The following ZFAND6 variants were observed in gnomAD, a reference collection of about 807,000 sequenced individuals.
ZFAND6 encodes AN1-type zinc finger protein 6.
ZFAND6 carries 12 observed loss-of-function variants against 24.5 expected under a neutral mutation model. The ratio of observed to expected loss-of-function variants is 0.49; its 90% CI spans 0.31 to 0.79. The LOEUF (loss-of-function observed/expected upper bound fraction) is 0.79. Ranked by LOEUF, ZFAND6 falls within the 30% of genes least tolerant of loss-of-function variation. The pLI is 0.04. For synonymous variants in ZFAND6, 92 were observed against 81.5 expected (o/e 1.13, Z -0.69); for missense variants, 207 against 245.9 (o/e 0.84, Z 1.06).
At chr15:80,116,639 T>C (rs539498737) in intron 2 of ZFAND6, among the ~76,000 whole-genome samples, 7 of 152,208 alleles carry the variant, frequency 4.6e-5, no homozygotes, top group Non-Finnish European at 8.8e-5. Context: ...TAGAGGTTCT[T>C]TGATATTACA....
chr15:80,132,583 A>C (rs2040655427), intron 6 of ZFAND6, among the ~76,000 whole-genome samples: 1 of 152,198 alleles, frequency 6.6e-6, no homozygotes, highest in South Asian at 2.1e-4. Flanking sequence ...TATCCACTTA[A>C]AATGCCACAC....
chr15:80,081,304 A>G (rs911921185), intron 1 of ZFAND6, among the ~76,000 whole-genome samples: 4 of 152,186 alleles, frequency 2.6e-5, no homozygotes, highest in African/African-American at 9.7e-5. Context: ...AAAGTACTGT[A>G]AAATGGTCCT....
chr15:80,104,593 T>G (rs545981096), intron 2 of ZFAND6, among the ~76,000 whole-genome samples: 1 of 152,366 alleles, frequency 6.6e-6, no homozygotes, highest in East Asian at 1.9e-4. Flanking sequence ...TTTTCAGGTA[T>G]TATTGACCAT....
Position 80,121,810 on chromosome 15 carries a change from A to C in ZFAND6, c.253A>C (p.Met85Leu). 1 of 1,612,902 alleles carries C rather than the reference A, an allele frequency of 6.2e-7. No homozygotes were observed. The highest frequency in any genetic ancestry group is 8.5e-7 in the Non-Finnish European group (1 of 1,179,034). Reference protein sequence around the residue: ...QSALDSTSSSMQPSPVSNQSL... With the variant: ...QSALDSTSSSLQPSPVSNQSL... The stretch of plus-strand genomic sequence containing the variant: ...AGCATTAGACTCTACATCTTCATCT[A>C]TGCAGCCCAGGTAAGATGTACTCTC... The change falls in exon 4 of 7, where the codon ATG becomes CTG. Residue 85 changes from methionine (M) to leucine (L), a missense_variant. Met to Leu is a conservative substitution (Grantham distance 15). Around this residue, in one of 3 missense-constraint regions of ZFAND6, gnomAD observed 133 missense variants for 122.8 expected, o/e 1.08. Coordinates refer to ENST00000261749, the MANE Select transcript of ZFAND6 (RefSeq NM_019006.4).
At chr15:80,112,395 T>C (rs933426064) in intron 2 of ZFAND6, among the ~76,000 whole-genome samples, 13 of 152,176 alleles carry the variant, frequency 8.5e-5, no homozygotes, top group African/African-American at 1.2e-4. Flanking sequence ...GTTGGCTTTA[T>C]GAGCATTCCT....
chr15:80,070,476 T>C (rs548809511), intron 1 of ZFAND6, among the ~76,000 whole-genome samples: 2 of 152,362 alleles, frequency 1.3e-5, no homozygotes, highest in South Asian at 2.1e-4. Flanking sequence ...GCTGTTGTTT[T>C]CTGCTGCTGC....
chr15:80,077,520 T>TTGG (rs1555428202), intron 1 of ZFAND6, among the ~76,000 whole-genome samples: 1 of 152,026 alleles, frequency 6.6e-6, no homozygotes, highest in Non-Finnish European at 1.5e-5. Flanking sequence ...TGAAAGCAAC[T>TTGG]TGGTGGTAAA....
At chr15:80,113,516 T>G (rs1277822293) in intron 2 of ZFAND6, among the ~76,000 whole-genome samples, 7 of 152,128 alleles carry the variant, frequency 4.6e-5, no homozygotes, top group African/African-American at 7.2e-5. Context: ...AAGAATGAAG[T>G]GAAAAAAAGT....
chr15:80,137,571 T>C lies in ZFAND6; in HGVS notation c.570T>C (p.Ala190=), dbSNP rs1206306796. 1.2e-6 allele frequency: 2 copies of C among 1,606,282 alleles called. No homozygotes were observed. Among genetic ancestry groups the C allele is most frequent in the Non-Finnish European group, 1.7e-6 (2 of 1,177,378 alleles). ...CTTACAATTACAAAGCCGATGCTGC[T>C]GAGAAAATCAGAAAAGAAAATCCAG... ...NCSYNYKADA[A]EKIRKENPVV... The change falls in exon 7 of 7, where the codon GCT becomes GCC. Residue 190 remains alanine (A), a synonymous_variant. Transcript: ENST00000261749.
intron 1 of ZFAND6, among the ~76,000 whole-genome samples, chr15:80,085,084 A>C (rs992557354): frequency 1.3e-5 from 2 of 152,180 alleles, no homozygotes; most frequent in African/African-American, 4.8e-5. Context: ...CTGGTCCTCA[A>C]GTGTTGGCTG....
intron 1 of ZFAND6, among the ~76,000 whole-genome samples, chr15:80,092,367 C>T (rs1295498911): frequency 1.3e-5 from 2 of 150,148 alleles, no homozygotes; most frequent in African/African-American, 2.5e-5. Flanking sequence ...GGACGGGAGG[C>T]GGAGGTTGCA....
At chr15:80,133,991 T>G (rs1433928963) in intron 6 of ZFAND6, among the ~76,000 whole-genome samples, 2 of 151,430 alleles carry the variant, frequency 1.3e-5, no homozygotes, top group Non-Finnish European at 3.0e-5. Context: ...TTGTTGGGTT[T>G]TTTTTTTTTT....
At chr15:80,064,730 TC>T (rs1363045905) in intron 1 of ZFAND6, among the ~76,000 whole-genome samples, 2 of 152,144 alleles carry the variant, frequency 1.3e-5, no homozygotes, top group Non-Finnish European at 2.9e-5. Context: ...GGCCTCTACT[TC>T]CTGGGCTGAA....
At chr15:80,060,765 T>G (rs2036287697) in intron 1 of ZFAND6, 1 of 152,102 alleles carries the variant, frequency 6.6e-6, no homozygotes, top group African/African-American at 2.4e-5. Context: ...TTACTAAAAA[T>G]ACAAAAATTA....
intron 1 of ZFAND6, among the ~76,000 whole-genome samples, chr15:80,075,576 A>G (rs2037226699): frequency 6.6e-6 from 1 of 152,132 alleles, no homozygotes. Flanking sequence ...TTTTATTTCA[A>G]AAATAATGTA....
Position 80,103,851 on chromosome 15 carries a change from T to C in ZFAND6, c.-18+5273T>C, listed in dbSNP as rs1211303888. Among the ~76,000 whole-genome samples the C allele has an allele frequency of 3.9e-5, 6 of 152,180 alleles. No individual in the cohort carries two copies. In the South Asian group the frequency reaches 6.2e-4, roughly 16 times the overall value. On this transcript the variant is annotated intron_variant, in intron 2 of 6. Transcript: ENST00000261749. ...AGCCTGAATGATAAGTTCATTATTA[T>C]TATTGTTTTTTTAAGAAACAAGAGT...
At chr15:80,093,217 G>T (rs553016414) in intron 1 of ZFAND6, among the ~76,000 whole-genome samples, 138 of 151,322 alleles carry the variant, frequency 9.1e-4, no homozygotes, top group African/African-American at 3.2e-3. Flanking sequence ...CGCCTGCCTC[G>T]GCCTCCCAAA....
chr15:80,059,385 C>G (rs2036199833), upstream of ZFAND6, among the ~76,000 whole-genome samples: 1 of 152,246 alleles, frequency 6.6e-6, no homozygotes, highest in Non-Finnish European at 1.5e-5. Context: ...GTAGAGAAAC[C>G]GCGGCGGGAA....
intron 5 of ZFAND6, among the ~76,000 whole-genome samples, chr15:80,126,964 T>C (rs888020274): frequency 6.6e-6 from 1 of 151,702 alleles, no homozygotes; most frequent in African/African-American, 2.4e-5. Context: ...AATAGCCGAG[T>C]GTGGTGGCGC....
Sources: allele counts gnomAD v4.1 joint callset (sites outside exome capture counted in the v4.1 genomes callset), GRCh38; gene constraint gnomAD v4.1.1; regional missense constraint gnomAD v4.1.1; transcripts MANE v1.5; gene names NCBI Gene and HGNC (gene_info 2026-07-23, HGNC 2026-07-21).